The following THSD7B variants were observed in gnomAD, a reference collection of about 807,000 sequenced individuals.
THSD7B encodes the protein thrombospondin type-1 domain-containing protein 7B.
THSD7B carries 138 observed loss-of-function variants against 213.6 expected under a neutral mutation model. The ratio of observed to expected loss-of-function variants is 0.65; its 90% CI spans 0.56 to 0.74. The LOEUF (loss-of-function observed/expected upper bound fraction) is 0.74, where lower values mean the gene tolerates loss of function less well. Among genes scored for constraint, THSD7B ranks in the 30% least tolerant of loss-of-function variants. The pLI is 0.00. For synonymous variants in THSD7B, 742 were observed against 687.0 expected, an observed-to-expected ratio of 1.08 and a Z score of -1.25; for missense variants, 1,931 against 1,991.5, an observed-to-expected ratio of 0.97 and a Z score of 0.58.
At chr2:137,219,938 A>G (rs1026771870) in intron 7 of THSD7B, among the ~76,000 whole-genome samples, 7 of 152,220 alleles carry the variant, frequency 4.6e-5, no homozygotes, top group African/African-American at 1.7e-4. Flanking sequence ...TTCAGTAAAC[A>G]TTCACTATGG....
chr2:137,603,436 A>G (rs778264434), intron 17 of THSD7B, among the ~76,000 whole-genome samples: 1 of 152,156 alleles, frequency 6.6e-6, no homozygotes, highest in Non-Finnish European at 1.5e-5. Flanking sequence ...TCTTTGTAGG[A>G]TGGTTTTGAC....
rs988949891 is a variant in THSD7B at position 137,016,883 on chromosome 2, G to A, written c.140-39537G>A. On this transcript the variant is annotated intron_variant, in intron 2 of 27. Coordinates refer to ENST00000409968, the MANE Select transcript of THSD7B (RefSeq NM_001316349.2). ...AAGATTGGCGTGAAAGATAGTGCAAGTTTACAATTCTTTACCCCAAATCCT... is the reference window on the plus strand; with the variant it reads ...AAGATTGGCGTGAAAGATAGTGCAAATTTACAATTCTTTACCCCAAATCCT... Among the ~76,000 whole-genome samples the A allele has an allele frequency of 4.6e-5, 7 of 152,270 alleles. No individual in the cohort carries two copies. In the South Asian group the frequency reaches 6.2e-4, roughly 14 times the overall value.
intron 15 of THSD7B, among the ~76,000 whole-genome samples, chr2:137,556,817 C>T (rs1387177019): frequency 6.6e-6 from 1 of 152,122 alleles, no homozygotes; most frequent in South Asian, 2.1e-4. Context: ...CAGAGACACA[C>T]ATAGGCTCAA....
At chr2:136,897,370 G>T (rs952247743) in intron 2 of THSD7B, among the ~76,000 whole-genome samples, 7 of 151,898 alleles carry the variant, frequency 4.6e-5, no homozygotes, top group African/African-American at 1.7e-4. Context: ...TCGTGGTCTC[G>T]CTGACTTCAG....
intron 21 of THSD7B, among the ~76,000 whole-genome samples, chr2:137,654,923 G>T (rs950223536): frequency 6.6e-6 from 1 of 152,162 alleles, no homozygotes; most frequent in Non-Finnish European, 1.5e-5. Context: ...GTTTCTGTGA[G>T]ACACTGTACA....
intron 10 of THSD7B, among the ~76,000 whole-genome samples, chr2:137,263,293 A>G (rs1021197015): frequency 3.9e-5 from 6 of 151,990 alleles, no homozygotes; most frequent in Admixed American, 6.6e-5. Flanking sequence ...ATACACATAT[A>G]TATAACATTT....
rs752809070 is a variant in THSD7B at position 137,056,548 on chromosome 2, G to A, written c.268G>A (p.Glu90Lys). 7 of 1,613,920 alleles carry A rather than the reference G, an allele frequency of 4.3e-6. No homozygotes were observed. Among genetic ancestry groups the A allele is most frequent in the Admixed American group, 1.7e-5 (1 of 60,020 alleles). The part of the protein sequence containing the change: ...NCGESNRPPK[E>K]RSCFRVCDWH... ...TGGTGAGAGCAACAGGCCTCCAAAG[G>A]AAAGAAGTTGTTTCCGAGTTTGTGA... is the stretch of plus-strand genomic sequence containing the variant. The change falls in exon 3 of 28, where the codon GAA becomes AAA. Residue 90 changes from glutamate (E) to lysine (K), a missense_variant. Glu to Lys is a moderately conservative substitution (Grantham distance 56). Transcript: ENST00000409968.
rs1686980249 is a variant in THSD7B at position 137,423,796 on chromosome 2, A to T, written c.2959+11924A>T. Among the ~76,000 whole-genome samples the T allele has an allele frequency of 2.0e-5, 3 of 152,184 alleles. No homozygotes were observed. In the South Asian group the frequency reaches 6.2e-4, roughly 32 times the overall value. ...TTAAAAGCTTAGCTAGCTTTTTTGA[A>T]TAAATTGAGAAACTGATCCTGAAAT... On this transcript the variant is annotated intron_variant, in intron 14 of 27. Coordinates refer to ENST00000409968, the MANE Select transcript of THSD7B (RefSeq NM_001316349.2).
At chr2:136,977,099 A>G (rs564135365) in intron 2 of THSD7B, among the ~76,000 whole-genome samples, 1 of 152,096 alleles carries the variant, frequency 6.6e-6, no homozygotes, top group African/African-American at 2.4e-5. Context: ...TCTGGTCCTA[A>G]GCTTTTTTTT....
chr2:137,385,085 A>G (rs1685861145), intron 12 of THSD7B, among the ~76,000 whole-genome samples: 1 of 152,196 alleles, frequency 6.6e-6, no homozygotes. Flanking sequence ...ATTTTCCTGC[A>G]GAGCCAAGGC....
chr2:137,270,294 G>T (rs1022040998), intron 10 of THSD7B, among the ~76,000 whole-genome samples: 1 of 151,954 alleles, frequency 6.6e-6, no homozygotes, highest in African/African-American at 2.4e-5. Flanking sequence ...ATAAGCCGGG[G>T]GGCTACTGAT....
At chr2:137,344,230 A>T (rs1196764416) in intron 12 of THSD7B, among the ~76,000 whole-genome samples, 1 of 151,700 alleles carries the variant, frequency 6.6e-6, no homozygotes, top group Non-Finnish European at 1.5e-5. Flanking sequence ...TCTTCCACAA[A>T]ACTGGTCTCT....
intron 5 of THSD7B, among the ~76,000 whole-genome samples, chr2:137,117,727 A>G (rs1044081576): frequency 6.6e-6 from 1 of 152,112 alleles, no homozygotes; most frequent in African/African-American, 2.4e-5. Flanking sequence ...GGAATTTACA[A>G]TCTTGGGGGG....
intron 17 of THSD7B, among the ~76,000 whole-genome samples, chr2:137,603,100 G>T (rs898148662): frequency 1.1e-4 from 17 of 152,262 alleles, no homozygotes; most frequent in Middle Eastern, 3.4e-3. Context: ...ATGATGCTTT[G>T]CTGAACTGCT....
intron 1 of THSD7B, among the ~76,000 whole-genome samples, chr2:136,870,481 C>T (rs1683414617): frequency 6.6e-6 from 1 of 152,188 alleles, no homozygotes; most frequent in African/African-American, 2.4e-5. Flanking sequence ...AGGACAGGAA[C>T]ATAAACCAAT....
At chr2:137,550,008 G>T (rs1680815249) in intron 15 of THSD7B, among the ~76,000 whole-genome samples, 1 of 151,992 alleles carries the variant, frequency 6.6e-6, no homozygotes, top group African/African-American at 2.4e-5. Context: ...GGCACGCCGT[G>T]AACAATCTCC....
At chr2:137,276,088 A>T (rs1469063577) in intron 12 of THSD7B, 62 bp downstream of exon 12, 3 of 1,180,580 alleles carry the variant, frequency 2.5e-6, no homozygotes, top group Non-Finnish European at 2.4e-6. Context: ...TGTAACTCAT[A>T]TGTGTTGCTT....
At chr2:137,081,909 G>A (rs1009312281) in intron 3 of THSD7B, among the ~76,000 whole-genome samples, 8 of 152,042 alleles carry the variant, frequency 5.3e-5, no homozygotes, top group African/African-American at 1.9e-4. Flanking sequence ...GAAAAGGGCG[G>A]TATCTTGTTC....
intron 11 of THSD7B, among the ~76,000 whole-genome samples, chr2:137,273,791 C>T (rs1287830510): frequency 6.6e-6 from 1 of 151,990 alleles, no homozygotes; most frequent in East Asian, 1.9e-4. Flanking sequence ...AACCACAGGG[C>T]CATTGTGGAA....
Sources: gnomAD v4.1 joint callset for allele counts (sites outside exome capture counted in the v4.1 genomes callset) on GRCh38, gnomAD v4.1.1 for gene constraint, MANE v1.5 for transcripts, NCBI Gene and HGNC (gene_info 2026-07-23, HGNC 2026-07-21) for gene names.